RBFOX1: variants seen among roughly 807,000 people sequenced by gnomAD.
The protein encoded by RBFOX1 is RNA binding protein fox-1 homolog 1.
A neutral mutation model predicts 57.7 loss-of-function variants in RBFOX1; 8 were observed. The ratio of observed to expected loss-of-function variants is 0.14; its 90% CI spans 0.08 to 0.25. The LOEUF (loss-of-function observed/expected upper bound fraction) is 0.25, where lower values mean the gene tolerates loss of function less well. RBFOX1 is among the 10% of genes least tolerant of loss of function. The pLI, the probability that RBFOX1 is intolerant of heterozygous loss-of-function variation, is 1.00. For synonymous variants in RBFOX1, 326 were observed against 222.4 expected (o/e 1.47, Z -4.15); for missense variants, 611 against 548.5 (o/e 1.11, Z -1.14).
intron 11 of RBFOX1, among the ~76,000 whole-genome samples, chr16:7,647,470 C>T (rs1227707499): frequency 6.6e-6 from 1 of 151,704 alleles, no homozygotes; most frequent in African/African-American, 2.4e-5. Context: ...ACTATATCCA[C>T]AAATCAACCT....
chr16:6,162,715 A>G (rs1007310675), intron 1 of RBFOX1, among the ~76,000 whole-genome samples: 1 of 152,126 alleles, frequency 6.6e-6, no homozygotes, highest in Non-Finnish European at 1.5e-5. Flanking sequence ...GGGAATGGGC[A>G]TACAATGTGC....
intron 3 of RBFOX1, among the ~76,000 whole-genome samples, chr16:5,783,813 A>C (rs1361472198): frequency 6.6e-6 from 1 of 152,162 alleles, no homozygotes; most frequent in African/African-American, 2.4e-5. Flanking sequence ...CAGGCTCCCT[A>C]GTGCATATTT....
intron 2 of RBFOX1, among the ~76,000 whole-genome samples, chr16:6,591,107 T>C (rs564269171): frequency 6.6e-6 from 1 of 152,262 alleles, no homozygotes; most frequent in African/African-American, 2.4e-5. Context: ...GATTTCTTTG[T>C]CTAAGAGTTC....
At chr16:6,293,545 T>C (rs1294107804) in intron 1 of RBFOX1, among the ~76,000 whole-genome samples, 4 of 152,194 alleles carry the variant, frequency 2.6e-5, no homozygotes, top group East Asian at 3.9e-4. Flanking sequence ...TTCAGGGAAC[T>C]GATAATCTAG....
intron 4 of RBFOX1, among the ~76,000 whole-genome samples, chr16:7,195,179 A>C (rs1320104876): frequency 1.3e-5 from 2 of 152,210 alleles, no homozygotes; most frequent in Non-Finnish European, 2.9e-5. Context: ...CAGCCATATT[A>C]GGAGTTGGGG....
At chr16:7,241,791 C>A (rs781228210) in intron 4 of RBFOX1, among the ~76,000 whole-genome samples, 18 of 151,476 alleles carry the variant, frequency 1.2e-4, no homozygotes, top group African/African-American at 4.4e-4. Flanking sequence ...TTCAATCTGT[C>A]TATAAATGTA....
At chr16:5,413,192 C>T (rs948495664) in intron 1 of RBFOX1, among the ~76,000 whole-genome samples, 11 of 152,144 alleles carry the variant, frequency 7.2e-5, no homozygotes, top group South Asian at 6.2e-4. Flanking sequence ...AAGTGGGGTG[C>T]CTCTTAACTA....
At chr16:6,163,892 G>A (rs985014404) in intron 1 of RBFOX1, among the ~76,000 whole-genome samples, 5 of 152,116 alleles carry the variant, frequency 3.3e-5, no homozygotes, top group Admixed American at 6.5e-5. Flanking sequence ...GTTGTCAGAC[G>A]TTGCCTCTGT....
At chr16:5,495,383 C>T (rs1379087470) in intron 2 of RBFOX1, among the ~76,000 whole-genome samples, 1 of 152,168 alleles carries the variant, frequency 6.6e-6, no homozygotes, top group Non-Finnish European at 1.5e-5. Context: ...ACAACCAGAT[C>T]TCGGGAGAAC....
chr16:5,648,392 G>A (rs185039732), intron 3 of RBFOX1, among the ~76,000 whole-genome samples: 52 of 152,262 alleles, frequency 3.4e-4, no homozygotes, highest in Middle Eastern at 3.4e-3. Flanking sequence ...GCGCAGGTGT[G>A]GTGCACTCTG....
At chr16:6,297,607 C>T (rs2078277549) in intron 1 of RBFOX1, among the ~76,000 whole-genome samples, 1 of 152,128 alleles carries the variant, frequency 6.6e-6, no homozygotes. Context: ...GCTTCACCCT[C>T]AAGCCTGGAT....
At chr16:6,629,763 A>T (rs1191687847) in intron 2 of RBFOX1, among the ~76,000 whole-genome samples, 1 of 152,186 alleles carries the variant, frequency 6.6e-6, no homozygotes, top group Non-Finnish European at 1.5e-5. Context: ...TTCTAGCTTA[A>T]TTAGTCCTTC....
intron 2 of RBFOX1, among the ~76,000 whole-genome samples, chr16:6,607,509 CTT>C (rs2097954864): frequency 6.7e-6 from 1 of 148,810 alleles, no homozygotes; most frequent in Non-Finnish European, 1.5e-5. Flanking sequence ...TCTCCCCTCT[CTT>C]CTCTCTCCTA....
intron 2 of RBFOX1, among the ~76,000 whole-genome samples, chr16:6,353,279 A>T (rs1422684701): frequency 6.6e-6 from 1 of 152,068 alleles, no homozygotes; most frequent in Non-Finnish European, 1.5e-5. Flanking sequence ...GCCACGTTTG[A>T]GAACCTAATC....
intron 14 of RBFOX1, among the ~76,000 whole-genome samples, chr16:7,701,136 T>C (rs1325028780): frequency 6.6e-6 from 1 of 150,604 alleles, no homozygotes; most frequent in African/African-American, 2.5e-5. Flanking sequence ...AAAGACAAGC[T>C]AAGGAAGTCA....
At chr16:6,431,407 T>C (rs1015160453) in intron 2 of RBFOX1, among the ~76,000 whole-genome samples, 6 of 151,466 alleles carry the variant, frequency 4.0e-5, no homozygotes, top group Admixed American at 6.6e-5. Flanking sequence ...AAAAGGAGCG[T>C]TTTGGTGGCA....
intron 4 of RBFOX1, among the ~76,000 whole-genome samples, chr16:7,178,681 C>T (rs915012749): frequency 6.6e-6 from 1 of 152,276 alleles, no homozygotes; most frequent in East Asian, 1.9e-4. Flanking sequence ...TTATACTCTT[C>T]TACTTGATGG....
chr16:7,018,173 A>G (rs1017575988), intron 3 of RBFOX1, among the ~76,000 whole-genome samples: 1 of 152,114 alleles, frequency 6.6e-6, no homozygotes, highest in Non-Finnish European at 1.5e-5. Flanking sequence ...AATTTCCACG[A>G]GCCGTGCATT....
At chr16:6,149,759 C>T (rs1026177966) in intron 1 of RBFOX1, among the ~76,000 whole-genome samples, 3 of 152,154 alleles carry the variant, frequency 2.0e-5, no homozygotes, top group South Asian at 2.1e-4. Flanking sequence ...GAAAGATAGT[C>T]GATTCTCTTA....
Sources: allele counts gnomAD v4.1 joint callset (sites outside exome capture counted in the v4.1 genomes callset), GRCh38; gene constraint gnomAD v4.1.1; transcripts MANE v1.5; gene names NCBI Gene and HGNC (gene_info 2026-07-23, HGNC 2026-07-21).